The following UBA6 variants were observed in gnomAD, a reference collection of about 807,000 sequenced individuals.
UBA6 encodes the protein ubiquitin-like modifier-activating enzyme 6.
Under a neutral mutation model 148.3 loss-of-function variants are expected in UBA6, and 87 were observed. The observed-to-expected ratio is 0.59, with a 90% CI of 0.49 to 0.70. The LOEUF (loss-of-function observed/expected upper bound fraction) is 0.70, where lower values mean the gene tolerates loss of function less well. UBA6 is among the 30% of genes least tolerant of loss of function. UBA6 has a pLI of 0.00. For synonymous variants in UBA6, 376 were observed against 401.0 expected (o/e 0.94, Z 0.75); for missense variants, 1,186 against 1,241.2 (o/e 0.96, Z 0.67).
At chr4:67,694,851 C>T (rs1186967114) in intron 2 of UBA6, among the ~76,000 whole-genome samples, 2 of 152,188 alleles carry the variant, frequency 1.3e-5, no homozygotes, top group African/African-American at 4.8e-5. Flanking sequence ...CAAATATGCA[C>T]ATTGGTAAAC....
At chr4:67,644,304 C>T (rs750240071) in intron 17 of UBA6, among the ~76,000 whole-genome samples, 4 of 152,054 alleles carry the variant, frequency 2.6e-5, no homozygotes, top group Non-Finnish European at 5.9e-5. Context: ...CATCTGAGTC[C>T]TCTGCAACTT....
chr4:67,692,079 G>A (rs1730707034), intron 2 of UBA6, among the ~76,000 whole-genome samples: 2 of 152,042 alleles, frequency 1.3e-5, no homozygotes, highest in African/African-American at 2.4e-5. Flanking sequence ...AAGTTCTTTA[G>A]TGGTGATTTG....
Position 67,677,642 on chromosome 4 carries a change from G to A in UBA6, c.434C>T (p.Thr145Ile). 6.3e-7 allele frequency: 1 copy of A among 1,595,404 alleles called. No homozygotes were observed. Among genetic ancestry groups the A allele is most frequent in the South Asian group, 1.1e-5 (1 of 90,062 alleles). Residue 145 changes from threonine (T) to isoleucine (I), a missense_variant, in exon 6 of 33, where the codon ACC becomes ATC. By Grantham distance (89) the Thr-to-Ile change is moderately conservative. Coordinates refer to ENST00000322244, the MANE Select transcript of UBA6 (RefSeq NM_018227.6). ...VTSSSVPFNE[T>I]TDLSFLDKYQ... The stretch of plus-strand genomic sequence containing the variant: ...TTTATCTAAAAAGGAGAGATCTGTG[G>A]TCTCATTGAAAGGAACAGAAGATGA...
At chr4:67,680,231 C>T (rs1730399939) in intron 4 of UBA6, among the ~76,000 whole-genome samples, 1 of 152,040 alleles carries the variant, frequency 6.6e-6, no homozygotes, top group South Asian at 2.1e-4. Context: ...AATGATAAAA[C>T]ATCATCACTG....
At chr4:67,658,087 TTGG>T (rs1464847761) in intron 13 of UBA6, among the ~76,000 whole-genome samples, 3 of 152,120 alleles carry the variant, frequency 2.0e-5, no homozygotes, top group South Asian at 2.1e-4. Context: ...TTTTACACTG[TTGG>T]TGGGAGTGTA....
chr4:67,670,541 C>A lies in UBA6; in HGVS notation c.598G>T (p.Gly200Cys), dbSNP rs201345603. 1 of 1,609,530 alleles carries A rather than the reference C, an allele frequency of 6.2e-7. No individual in the cohort carries two copies. The highest frequency in any genetic ancestry group is 1.1e-5 in the South Asian group (1 of 90,960). Residue 200 changes from glycine to cysteine, a missense_variant, in exon 8 of 33, where the codon GGT becomes TGT. Coordinates refer to ENST00000322244, the MANE Select transcript of UBA6 (RefSeq NM_018227.6). ...GIWSRLFCDF[G>C]DEFEVLDTTG... The stretch of plus-strand genomic sequence containing the variant: ...GTATCTAAAACTTCAAATTCATCAC[C>A]GAAATCACAAAATAACCTTGACCAA...
At chr4:67,631,685 T>G in intron 25 of UBA6, 23 bp downstream of exon 25, 1 of 1,557,338 alleles carries the variant, frequency 6.4e-7, no homozygotes, top group Non-Finnish European at 8.8e-7. Flanking sequence ...GAAGGATACA[T>G]AAAACTAAAT....
intron 27 of UBA6, 40 bp from the exon 28 acceptor site, chr4:67,626,517 T>G: frequency 7.9e-7 from 1 of 1,262,592 alleles, no homozygotes; most frequent in Non-Finnish European, 1.1e-6. Flanking sequence ...TGTTATCATT[T>G]CCTGCATCTG....
At chr4:67,619,402 G>A (rs1333570061) in intron 32 of UBA6, among the ~76,000 whole-genome samples, 3 of 152,190 alleles carry the variant, frequency 2.0e-5, no homozygotes, top group South Asian at 2.1e-4. Context: ...AAGGCTCAGC[G>A]TGGTGGCTCA....
In UBA6 at chr4:67,679,491, A is replaced by G. The variant is rs922938040; in HGVS notation, c.259-958T>C. Among the ~76,000 whole-genome samples, 76 of 152,272 alleles carry G rather than the reference A, an allele frequency of 5.0e-4. 1 individual carries two copies. The highest frequency in any genetic ancestry group is 4.8e-3 in the Admixed American group (74 of 15,296). On this transcript the variant is annotated intron_variant, in intron 4 of 32. Transcript: ENST00000322244. ...TGGAGTCTGCTACACACAGAGATTT[A>G]TTTAAAGTGACTTTTAAAAGCAGTT...
chr4:67,628,742 C>T (rs1728929149), intron 27 of UBA6, among the ~76,000 whole-genome samples: 2 of 151,832 alleles, frequency 1.3e-5, no homozygotes, highest in African/African-American at 4.8e-5. Flanking sequence ...TCTATAACAA[C>T]AGGGGATCTT....
chr4:67,655,212 T>A (rs927770521), intron 13 of UBA6, among the ~76,000 whole-genome samples: 1 of 152,130 alleles, frequency 6.6e-6, no homozygotes, highest in Non-Finnish European at 1.5e-5. Context: ...CTACAAACTC[T>A]CCACCCCAAA....
chr4:67,624,928 T>C (rs113712696), intron 29 of UBA6, 66 bp downstream of exon 29: 1 of 1,345,790 alleles, frequency 7.4e-7, no homozygotes, highest in African/African-American at 1.4e-5. Context: ...TGGGTTGGTA[T>C]GACGGGGAAG....
rs763080496 is a variant in UBA6, at chr4:67,625,128, C to A, written c.2578G>T (p.Asp860Tyr). 1 of 1,613,188 alleles carries A rather than the reference C, an allele frequency of 6.2e-7. No individual in the cohort carries two copies. Among genetic ancestry groups the A allele is most frequent in the Non-Finnish European group, 8.5e-7 (1 of 1,179,438 alleles). Residue 860 changes from aspartate to tyrosine, a missense_variant, in exon 29 of 33, where the codon GAT becomes TAT. Coordinates refer to ENST00000322244, the MANE Select transcript of UBA6 (RefSeq NM_018227.6). ...AGATTTGATGCAGCTGTGATGAAATCTATGTGTCCATTATGATCATCATCT... is the reference window on the plus strand; with the variant it reads ...AGATTTGATGCAGCTGTGATGAAATATATGTGTCCATTATGATCATCATCT... Reference protein sequence around the residue: ...EKDDDHNGHIDFITAASNLRA... With the variant: ...EKDDDHNGHIYFITAASNLRA...
chr4:67,691,013 C>T (rs1730681536), intron 2 of UBA6, among the ~76,000 whole-genome samples: 1 of 152,170 alleles, frequency 6.6e-6, no homozygotes, highest in African/African-American at 2.4e-5. Context: ...TGCTATATGA[C>T]AATGTACACA....
intron 10 of UBA6, among the ~76,000 whole-genome samples, chr4:67,664,196 C>T (rs1408576443): frequency 6.6e-6 from 1 of 151,726 alleles, no homozygotes; most frequent in Non-Finnish European, 1.5e-5. Context: ...TTAGTAAAAA[C>T]ATTTGCATAC....
intron 32 of UBA6, among the ~76,000 whole-genome samples, chr4:67,621,614 G>T (rs970614886): frequency 1.3e-5 from 2 of 152,144 alleles, no homozygotes; most frequent in Admixed American, 6.5e-5. Flanking sequence ...GACCAGCCTG[G>T]CCAACATGGT....
rs1577779831 is a variant in UBA6, at chr4:67,613,794, C to T, written c.*5203G>A. On this transcript the variant is annotated 3_prime_UTR_variant, in exon 33 of 33. Coordinates refer to ENST00000322244, the MANE Select transcript of UBA6 (RefSeq NM_018227.6). ...TCTCATCAGATGGGTTTTATTTAACCCTGTATATTGTGACTTAACTTTCCA... is the reference window on the plus strand; with the variant it reads ...TCTCATCAGATGGGTTTTATTTAACTCTGTATATTGTGACTTAACTTTCCA... 2 of 152,172 alleles carry T rather than the reference C, an allele frequency of 1.3e-5. No individual in the cohort carries two copies. Among genetic ancestry groups the T allele is most frequent in the South Asian group, 4.1e-4 (2 of 4,822 alleles). The allele number at this position is 152,172 out of a possible 1,614,324, so 9.4% of individuals were successfully genotyped here.
chr4:67,664,468 C>CA (rs1729941890), intron 10 of UBA6, among the ~76,000 whole-genome samples: 1 of 151,402 alleles, frequency 6.6e-6, no homozygotes, highest in Non-Finnish European at 1.5e-5. Flanking sequence ...TTGGGTTGAA[C>CA]AAAGCCTTGT....
Sources: allele counts gnomAD v4.1 joint callset (sites outside exome capture counted in the v4.1 genomes callset), GRCh38; gene constraint gnomAD v4.1.1; transcripts MANE v1.5; gene names NCBI Gene and HGNC (gene_info 2026-07-23, HGNC 2026-07-21).